The following SESTD1 variants were observed in gnomAD, a reference collection of about 807,000 sequenced individuals.
The protein encoded by SESTD1 is SEC14 domain and spectrin repeat-containing protein 1.
A neutral mutation model predicts 101.7 loss-of-function variants in SESTD1; 43 were observed. The observed-to-expected ratio is 0.42, with a 90% confidence interval of 0.33 to 0.55. The LOEUF (loss-of-function observed/expected upper bound fraction) is 0.55. SESTD1 is among the 20% of genes least tolerant of loss of function. The probability of loss-of-function intolerance (pLI) is 0.07; values close to 1 mark genes in which losing one functional copy is unlikely to be tolerated. For synonymous variants in SESTD1, 283 were observed against 286.8 expected (o/e 0.99, Z 0.13); for missense variants, 647 against 815.1 (o/e 0.79, Z 2.51).
At chr2:179,161,545 C>T (rs1433384005) in intron 5 of SESTD1, among the ~76,000 whole-genome samples, 3 of 151,888 alleles carry the variant, frequency 2.0e-5, no homozygotes, top group Non-Finnish European at 4.4e-5. Flanking sequence ...CCTGCAGTCC[C>T]AGCTACTCAG....
At chr2:179,138,563 G>GA (rs2045206643) in intron 9 of SESTD1, among the ~76,000 whole-genome samples, 1 of 152,118 alleles carries the variant, frequency 6.6e-6, no homozygotes, top group Non-Finnish European at 1.5e-5. Flanking sequence ...GCCATGGTGA[G>GA]AGGTTCTCAG....
chr2:179,208,466 T>A (rs1417052993), intron 1 of SESTD1, among the ~76,000 whole-genome samples: 1 of 134,590 alleles, frequency 7.4e-6, no homozygotes, highest in Middle Eastern at 3.9e-3. Context: ...CTTAAAGCTG[T>A]GAGGCAAAAG....
intron 1 of SESTD1, among the ~76,000 whole-genome samples, chr2:179,219,312 A>G (rs996917301): frequency 3.9e-5 from 6 of 152,236 alleles, no homozygotes; most frequent in Admixed American, 6.5e-5. Flanking sequence ...TCCCCTCTCA[A>G]TAAATATAAA....
intron 3 of SESTD1, among the ~76,000 whole-genome samples, chr2:179,181,068 C>G (rs1326850782): frequency 6.6e-6 from 1 of 152,078 alleles, no homozygotes; most frequent in Non-Finnish European, 1.5e-5. Flanking sequence ...TTGGCAGGTA[C>G]GTGTAGATAT....
At chr2:179,129,413 A>G (rs1340659312) in intron 10 of SESTD1, among the ~76,000 whole-genome samples, 1 of 152,214 alleles carries the variant, frequency 6.6e-6, no homozygotes, top group African/African-American at 2.4e-5. Context: ...TAAAAAACCA[A>G]GTTAACTTCT....
chr2:179,188,021 G>C (rs574212075), intron 2 of SESTD1, among the ~76,000 whole-genome samples: 1 of 152,230 alleles, frequency 6.6e-6, no homozygotes, highest in East Asian at 1.9e-4. Context: ...GAGTTAGACA[G>C]ATCATCGGGG....
intron 1 of SESTD1, among the ~76,000 whole-genome samples, chr2:179,217,747 T>C (rs1017666953): frequency 2.6e-5 from 4 of 152,108 alleles, no homozygotes; most frequent in Non-Finnish European, 4.4e-5. Context: ...CCATCAATGA[T>C]AGACTGGATT....
chr2:179,235,063 G>C (rs112696548), intron 1 of SESTD1, among the ~76,000 whole-genome samples: 1 of 152,114 alleles, frequency 6.6e-6, no homozygotes, highest in African/African-American at 2.4e-5. Context: ...TCCTGAACTG[G>C]AACCTAAACC....
At position 179,101,689 on chromosome 2, in the gene SESTD1, TC is replaced by T. The variant is rs1399295221; in HGVS notation, c.*8209del. On this transcript the variant is annotated 3_prime_UTR_variant, in exon 18 of 18. Transcript: ENST00000428443. ...AGGAATGTCAAGTGTTGATATTGACTCATTCACATTTTCTCCCAATTTTATT... is the reference window on the plus strand; with the variant it reads ...AGGAATGTCAAGTGTTGATATTGACTATTCACATTTTCTCCCAATTTTATT... 2.0e-5 allele frequency: 3 copies of T among 152,320 alleles called. No individual in the cohort carries two copies. The highest frequency in any genetic ancestry group is 2.9e-5 in the Non-Finnish European group (2 of 68,022). 9.4% of individuals were successfully genotyped at this position (152,320 alleles called of 1,614,324 possible).
At chr2:179,139,459 T>C (rs2045228337) in intron 9 of SESTD1, among the ~76,000 whole-genome samples, 1 of 152,208 alleles carries the variant, frequency 6.6e-6, no homozygotes, top group African/African-American at 2.4e-5. Context: ...GCTTGCAGCA[T>C]GTTGAACATT....
At chr2:179,262,829 T>C (rs1250786036) in intron 1 of SESTD1, among the ~76,000 whole-genome samples, 1 of 152,230 alleles carries the variant, frequency 6.6e-6, no homozygotes, top group Non-Finnish European at 1.5e-5. Context: ...TAAAATGTCA[T>C]TAAATGCCTA....
rs534296790 is a variant in SESTD1, at chr2:179,249,216, A to G, written c.-26+15283T>C. ...GGAAATAAAAGGCATACAGATTAAA[A>G]AAAAAAAAAAAAAGAAGACTACCCC... On this transcript the variant is annotated intron_variant, in intron 1 of 17. Transcript: ENST00000428443. 9.1e-3 allele frequency among the ~76,000 whole-genome samples: 1,381 copies of G among 150,948 alleles called. 15 individuals are homozygous for G. Among genetic ancestry groups the G allele is most frequent in the Non-Finnish European group, 0.015 (1,037 of 67,616 alleles).
At chr2:179,138,510 T>C (rs1455424798) in intron 9 of SESTD1, among the ~76,000 whole-genome samples, 2 of 151,966 alleles carry the variant, frequency 1.3e-5, no homozygotes, top group Non-Finnish European at 2.9e-5. Context: ...GTCACTAATA[T>C]TGGGGGAAAA....
intron 5 of SESTD1, among the ~76,000 whole-genome samples, chr2:179,160,425 A>G (rs1237109951): frequency 6.6e-6 from 1 of 152,052 alleles, no homozygotes; most frequent in African/African-American, 2.4e-5. Flanking sequence ...CGTGAATTAG[A>G]GCACAAATAT....
intron 1 of SESTD1, 26 bp from the exon 2 acceptor site, chr2:179,191,892 AACT>A: frequency 1.4e-6 from 2 of 1,443,090 alleles, no homozygotes; most frequent in Non-Finnish European, 1.9e-6. Context: ...GTCAAATGTC[AACT>A]ACAAGACAAC....
At chr2:179,261,571 T>G (rs1040103728) in intron 1 of SESTD1, among the ~76,000 whole-genome samples, 6 of 152,022 alleles carry the variant, frequency 3.9e-5, no homozygotes, top group Non-Finnish European at 7.4e-5. Context: ...GAAATACAAA[T>G]GAAAATCACA....
intron 9 of SESTD1, among the ~76,000 whole-genome samples, chr2:179,138,730 G>A (rs1198629538): frequency 1.3e-5 from 2 of 151,920 alleles, no homozygotes; most frequent in Non-Finnish European, 2.9e-5. Flanking sequence ...AAACAGCTGG[G>A]CATGGTGGCA....
At chr2:179,194,674 A>G (rs183284923) in intron 1 of SESTD1, among the ~76,000 whole-genome samples, 3 of 152,296 alleles carry the variant, frequency 2.0e-5, no homozygotes. Context: ...CACAGAAGGA[A>G]ATATCATAAT....
At position 179,196,296 on chromosome 2, in the gene SESTD1, G is replaced by A. The variant is rs188598693; in HGVS notation, c.-25-4430C>T. ...GGAGATTACATCCCGCACCTGGCTC[G>A]GAGGGTCCTACACCCACGGAGTCTC... On this transcript the variant is annotated intron_variant, in intron 1 of 17. Coordinates refer to ENST00000428443, the MANE Select transcript of SESTD1 (RefSeq NM_178123.5). Among the ~76,000 whole-genome samples, 709 of 152,296 alleles carry A rather than the reference G, an allele frequency of 4.7e-3. 2 individuals carry two copies. Among genetic ancestry groups the A allele is most frequent in the African/African-American group, 0.016 (678 of 41,548 alleles).
Sources: gnomAD v4.1 joint callset for allele counts (sites outside exome capture counted in the v4.1 genomes callset) on GRCh38, gnomAD v4.1.1 for gene constraint, MANE v1.5 for transcripts, NCBI Gene and HGNC (gene_info 2026-07-23, HGNC 2026-07-21) for gene names.